The following MYO18B variants were observed in gnomAD, a reference collection of about 807,000 sequenced individuals.
MYO18B encodes the protein unconventional myosin-XVIIIb.
In MYO18B, 204 loss-of-function variants were observed where a neutral mutation model predicts 273.0. That is an observed-to-expected ratio of 0.75 (90% confidence interval 0.67 to 0.84). MYO18B has a LOEUF of 0.84. Ranked by LOEUF, MYO18B falls within the 40% of genes least tolerant of loss-of-function variation. The probability of loss-of-function intolerance (pLI) is 0.00; values close to 1 mark genes in which losing one functional copy is unlikely to be tolerated. For missense variants in MYO18B, 3,212 were observed against 3,287.6 expected (o/e 0.98, Z 0.56); for synonymous variants, 1,330 against 1,305.7 (o/e 1.02, Z -0.40).
At chr22:26,047,449 T>A in the MYO18B span, among the ~76,000 whole-genome samples, 1 of 152,116 alleles carries the variant, frequency 6.6e-6, no homozygotes, top group Admixed American at 6.5e-5. Flanking sequence ...TTATTGTATG[T>A]ATGTTTAGGG....
intron 42 of MYO18B, among the ~76,000 whole-genome samples, chr22:26,020,643 G>A (rs1935731014): frequency 6.6e-6 from 1 of 152,160 alleles, no homozygotes; most frequent in Admixed American, 6.5e-5. Context: ...TTGCCTCATT[G>A]GTAGTACTGG....
chr22:25,868,192 G>C lies in MYO18B; in HGVS notation c.3886-128G>C, dbSNP rs1053182989. 1.4e-5 allele frequency: 11 copies of C among 763,272 alleles called. No individual in the cohort carries two copies. The African/African-American group carries it at 1.7e-4, about 12-fold the overall frequency. The allele number at this position is 763,272 out of a possible 1,614,324, so 47.3% of individuals were successfully genotyped here. On this transcript the variant is annotated intron_variant, in intron 21 of 43. Transcript: ENST00000335473. ...TCCTGTGTGAGGTGGGGCTCTGTTA[G>C]CCAAAGCTCACAGACATGTGGGGTC...
At chr22:25,760,720 G>A (rs1270585559) in intron 1 of MYO18B, among the ~76,000 whole-genome samples, 1 of 152,232 alleles carries the variant, frequency 6.6e-6, no homozygotes, top group African/African-American at 2.4e-5. Context: ...AAGAGCCACT[G>A]AGCTGTACCT....
chr22:25,747,088 C>A (rs1282825520), intron 1 of MYO18B, among the ~76,000 whole-genome samples: 1 of 152,120 alleles, frequency 6.6e-6, no homozygotes, highest in Non-Finnish European at 1.5e-5. Context: ...CACCACTGTA[C>A]TCCAGCCTGG....
At chr22:25,967,183 T>C (rs1432257897) in intron 39 of MYO18B, among the ~76,000 whole-genome samples, 1 of 152,188 alleles carries the variant, frequency 6.6e-6, no homozygotes, top group Non-Finnish European at 1.5e-5. Flanking sequence ...GAAATTAGAG[T>C]AACTTAACTC....
intron 33 of MYO18B, among the ~76,000 whole-genome samples, chr22:25,913,995 C>G (rs977558576): frequency 6.6e-6 from 1 of 152,148 alleles, no homozygotes; most frequent in Non-Finnish European, 1.5e-5. Context: ...GGTCTCTAAT[C>G]CATCTAGATT....
chr22:25,924,309 G>T (rs569552970), intron 34 of MYO18B, among the ~76,000 whole-genome samples: 1 of 152,298 alleles, frequency 6.6e-6, no homozygotes, highest in South Asian at 2.1e-4. Flanking sequence ...TAACTTTGCT[G>T]CTGGCTGCTA....
rs546197633 is a variant in MYO18B at position 25,953,453 on chromosome 22, G to A, written c.5970+1030G>A. ...GCTGGCTTCACCACAGTAAGACAGTGCGTCTAGACAGTTGGGAGGCTGCAT... is the reference window on the plus strand; with the variant it reads ...GCTGGCTTCACCACAGTAAGACAGTACGTCTAGACAGTTGGGAGGCTGCAT... On this transcript the variant is annotated intron_variant, in intron 38 of 43. Transcript: ENST00000335473. 2.0e-5 allele frequency: 3 copies of A among 152,310 alleles called. No homozygotes were observed. In the South Asian group the frequency reaches 6.2e-4, roughly 32 times the overall value. 9.4% of individuals were successfully genotyped at this position (152,310 alleles called of 1,614,324 possible).
intron 37 of MYO18B, among the ~76,000 whole-genome samples, 164 bp from the exon 38 acceptor site, chr22:25,952,122 C>A (rs2092799212): frequency 6.6e-6 from 1 of 152,206 alleles, no homozygotes; most frequent in South Asian, 2.1e-4. Context: ...AAGATTGACA[C>A]CTGGCCATTC....
At chr22:26,032,056 G>C (rs1393248516), downstream of MYO18B, among the ~76,000 whole-genome samples, 1 of 152,222 alleles carries the variant, frequency 6.6e-6, no homozygotes, top group African/African-American at 2.4e-5. Flanking sequence ...CCAGGCTCTT[G>C]CACGAGGTTC....
intron 33 of MYO18B, among the ~76,000 whole-genome samples, chr22:25,919,236 G>T (rs2092305813): frequency 2.0e-5 from 3 of 151,972 alleles, no homozygotes; most frequent in African/African-American, 7.3e-5. Context: ...ATGCTCTTCT[G>T]TGCCCCCATA....
intron 42 of MYO18B, among the ~76,000 whole-genome samples, chr22:26,015,132 A>G (rs1935212929): frequency 6.6e-6 from 1 of 152,318 alleles, no homozygotes; most frequent in East Asian, 1.9e-4. Flanking sequence ...ATCTTTGCCC[A>G]TTCCTGTGTC....
At chr22:25,990,802 G>A (rs1170359754) in intron 39 of MYO18B, among the ~76,000 whole-genome samples, 1 of 149,108 alleles carries the variant, frequency 6.7e-6, no homozygotes, top group Non-Finnish European at 1.5e-5. Flanking sequence ...GTTCCATGGG[G>A]AGCTGGGAAT....
At chr22:25,852,711 G>T (rs695547) in intron 21 of MYO18B, among the ~76,000 whole-genome samples, 10,914 of 152,236 alleles carry the variant, frequency 0.072, 1,273 homozygotes, top group African/African-American at 0.25. Context: ...CCAGGCATTT[G>T]TGGGTTTGCT....
Position 25,902,849 on chromosome 22 carries a change from T to C in MYO18B, c.4947+113T>C. The stretch of plus-strand genomic sequence containing the variant: ...GAGAGAAAACTTCACAAGGGTATCC[T>C]GGTCTGTCAAGCAGCTGAATCCCAG... On this transcript the variant is annotated intron_variant, in intron 30 of 43. Coordinates refer to ENST00000335473, the MANE Select transcript of MYO18B (RefSeq NM_032608.7). 3 of 1,227,958 alleles carry C rather than the reference T, an allele frequency of 2.4e-6. No homozygotes were observed. In the South Asian group the frequency reaches 4.7e-5, roughly 19 times the overall value. 76.1% of individuals were successfully genotyped at this position (1,227,958 alleles called of 1,614,324 possible). A position where few individuals can be genotyped will look rare whatever the true frequency, so the allele number is the denominator to read the frequency against.
intron 17 of MYO18B, among the ~76,000 whole-genome samples, chr22:25,837,545 A>G (rs753373900): frequency 1.3e-5 from 2 of 152,234 alleles, no homozygotes; most frequent in Non-Finnish European, 2.9e-5. Context: ...CAACTGGAAC[A>G]GTTTATAAGA....
intron 39 of MYO18B, among the ~76,000 whole-genome samples, chr22:25,979,909 G>A (rs1405275744): frequency 6.6e-6 from 1 of 152,024 alleles, no homozygotes; most frequent in Non-Finnish European, 1.5e-5. Flanking sequence ...ATCCATCAGG[G>A]ACTCCAAGAA....
chr22:25,908,485 G>A (rs1031093839), intron 32 of MYO18B, 53 bp downstream of exon 32: 1 of 1,448,540 alleles, frequency 6.9e-7, no homozygotes, highest in Non-Finnish European at 9.5e-7. Context: ...GGTCTGGCAT[G>A]GATTCCCTCT....
At chr22:25,854,387 T>C (rs1013690960) in intron 21 of MYO18B, among the ~76,000 whole-genome samples, 9 of 152,170 alleles carry the variant, frequency 5.9e-5, no homozygotes, top group Admixed American at 5.9e-4. Flanking sequence ...CTGGGAATCA[T>C]CCTCATTTCA....
Sources: gnomAD v4.1 joint callset for allele counts (sites outside exome capture counted in the v4.1 genomes callset) on GRCh38, gnomAD v4.1.1 for gene constraint, MANE v1.5 for transcripts, NCBI Gene and HGNC (gene_info 2026-07-23, HGNC 2026-07-21) for gene names.